Variants in ZFYVE9 observed in about 807,000 individuals in gnomAD.
ZFYVE9 encodes the protein zinc finger FYVE domain-containing protein 9.
Under a neutral mutation model 126.7 loss-of-function variants are expected in ZFYVE9, and 43 were observed. The observed-to-expected ratio is 0.34, with a 90% CI of 0.27 to 0.44. ZFYVE9 has a LOEUF of 0.44. ZFYVE9 is among the 20% of genes least tolerant of loss of function. The pLI, the probability that ZFYVE9 is intolerant of heterozygous loss-of-function variation, is 1.00. For missense variants in ZFYVE9, 1,476 were observed against 1,697.0 expected (o/e 0.87, Z 2.29); for synonymous variants, 521 against 597.4 (o/e 0.87, Z 1.87).
chr1:52,339,351 G>A (rs1646415282), intron 16 of ZFYVE9, among the ~76,000 whole-genome samples: 1 of 151,592 alleles, frequency 6.6e-6, no homozygotes, highest in Non-Finnish European at 1.5e-5. Context: ...ACAGTGGTGC[G>A]ATCGCAGCTC....
chr1:52,252,812 C>A (rs1645464656), intron 4 of ZFYVE9: 2 of 355,640 alleles, frequency 5.6e-6, no homozygotes, highest in Middle Eastern at 7.4e-4. Flanking sequence ...ATGGCTCATC[C>A]CAGCCCAGAG....
chr1:52,226,185 T>G (rs1414314780), intron 2 of ZFYVE9, among the ~76,000 whole-genome samples: 1 of 152,110 alleles, frequency 6.6e-6, no homozygotes, highest in Admixed American at 6.5e-5. Context: ...CTCCTTACTG[T>G]ACATGTGGCT....
intron 4 of ZFYVE9, among the ~76,000 whole-genome samples, chr1:52,245,238 TTTTTACTAAAGAGAAG>T (rs1645372980): frequency 6.6e-6 from 1 of 152,010 alleles, no homozygotes; most frequent in African/African-American, 2.4e-5. Flanking sequence ...GGTATTCTGT[TTTTTACTAAAGAGAAG>T]CAAAAAGAAA....
chr1:52,281,495 A>G (rs1411108746), intron 9 of ZFYVE9, among the ~76,000 whole-genome samples, 166 bp from the exon 10 acceptor site: 2 of 152,154 alleles, frequency 1.3e-5, no homozygotes, highest in Admixed American at 6.6e-5. Flanking sequence ...ATTTTCTACA[A>G]TAGGTTTTTG....
chr1:52,209,682 T>C (rs1226022127), intron 1 of ZFYVE9, among the ~76,000 whole-genome samples: 1 of 152,144 alleles, frequency 6.6e-6, no homozygotes, highest in African/African-American at 2.4e-5. Context: ...AAGGTGTGTT[T>C]TGGAAAATAG....
At chr1:52,225,505 G>T (rs926126590) in intron 2 of ZFYVE9, among the ~76,000 whole-genome samples, 2 of 152,212 alleles carry the variant, frequency 1.3e-5, no homozygotes, top group African/African-American at 4.8e-5. Flanking sequence ...GAAGGAAGGG[G>T]TTTTTAACCC....
intron 1 of ZFYVE9, among the ~76,000 whole-genome samples, chr1:52,203,203 A>T (rs559222105): frequency 2.0e-5 from 3 of 151,096 alleles, no homozygotes; most frequent in Non-Finnish European, 4.4e-5. Context: ...TTTTTTTAAG[A>T]CAGTGTCTCA....
chr1:52,179,807 T>G, intron 1 of ZFYVE9: 1 of 574,276 alleles, frequency 1.7e-6, no homozygotes, highest in Non-Finnish European at 3.2e-6. Flanking sequence ...TTAAAGTGTC[T>G]ATTAGGGGGC....
At chr1:52,307,543 G>A (rs1398482824) in intron 13 of ZFYVE9, among the ~76,000 whole-genome samples, 3 of 151,842 alleles carry the variant, frequency 2.0e-5, no homozygotes, top group Non-Finnish European at 4.4e-5. Flanking sequence ...AGCCCCCATA[G>A]TTACTTCAGT....
At position 52,192,338 on chromosome 1, in the gene ZFYVE9, TCTG is replaced by T. The variant is rs538586810; in HGVS notation, c.-142-24026_-142-24024del. 2.7e-3 allele frequency among the ~76,000 whole-genome samples: 408 copies of T among 152,346 alleles called. 5 individuals carry two copies. Among genetic ancestry groups the T allele is most frequent in the Non-Finnish European group, 3.9e-3 (267 of 68,030 alleles). On this transcript the variant is annotated intron_variant, in intron 1 of 18. Coordinates refer to ENST00000287727, the MANE Select transcript of ZFYVE9 (RefSeq NM_004799.4). ...GAAGTGTGTAACCTAGTAAGGAGAT[TCTG>T]CTGCATTCAAACATGCTTGTTCATC...
Position 52,265,570 on chromosome 1 carries a change from A to T in ZFYVE9, c.2279-1085A>T, listed in dbSNP as rs981111694. Among the ~76,000 whole-genome samples the T allele has an allele frequency of 9.9e-5, 15 of 152,202 alleles. 1 individual carries two copies. The highest frequency in any genetic ancestry group is 3.6e-4 in the African/African-American group (15 of 41,442). ...TGATGTGTCAGTATTTAGTGAAATTATAGGGTACACAGAATCTTAATGTAT... is the reference window on the plus strand; with the variant it reads ...TGATGTGTCAGTATTTAGTGAAATTTTAGGGTACACAGAATCTTAATGTAT... On this transcript the variant is annotated intron_variant, in intron 5 of 18. Transcript: ENST00000287727.
intron 16 of ZFYVE9, among the ~76,000 whole-genome samples, chr1:52,339,274 A>G (rs892282715): frequency 6.6e-6 from 1 of 152,018 alleles, no homozygotes; most frequent in Non-Finnish European, 1.5e-5. Context: ...ATAATTAGCA[A>G]CTTGGTCAAA....
intron 1 of ZFYVE9, among the ~76,000 whole-genome samples, chr1:52,155,649 C>T (rs1644396872): frequency 2.0e-5 from 3 of 152,182 alleles, no homozygotes. Context: ...TTGGTACCTC[C>T]AACAGCATAG....
At chr1:52,150,713 A>G (rs1644348649) in intron 1 of ZFYVE9, among the ~76,000 whole-genome samples, 1 of 151,598 alleles carries the variant, frequency 6.6e-6, no homozygotes, top group South Asian at 2.1e-4. Context: ...GGGGAGGTGC[A>G]GTGAGCCGAG....
chr1:52,271,744 A>T (rs1645694765), intron 7 of ZFYVE9, among the ~76,000 whole-genome samples: 1 of 152,244 alleles, frequency 6.6e-6, no homozygotes, highest in South Asian at 2.1e-4. Context: ...CCATACCGGA[A>T]AATTTTAGAA....
chr1:52,335,549 C>A (rs1646380568), intron 15 of ZFYVE9, among the ~76,000 whole-genome samples: 1 of 152,146 alleles, frequency 6.6e-6, no homozygotes, highest in South Asian at 2.1e-4. Flanking sequence ...GATAGCTGGA[C>A]TTTTTACATG....
intron 5 of ZFYVE9, 145 bp downstream of exon 5, chr1:52,264,017 T>G: frequency 4.6e-6 from 2 of 437,696 alleles, no homozygotes. Context: ...TTAGCTAAAT[T>G]TCCATGTTTT....
chr1:52,332,620 T>C (rs1220068215), intron 13 of ZFYVE9, 148 bp from the exon 14 acceptor site: 1 of 937,198 alleles, frequency 1.1e-6, no homozygotes, highest in African/African-American at 1.7e-5. Flanking sequence ...GGTGACATTT[T>C]TTTACTTTGT....
At chr1:52,198,124 G>GTTT (rs34521113) in intron 1 of ZFYVE9, among the ~76,000 whole-genome samples, 1 of 128,162 alleles carries the variant, frequency 7.8e-6, no homozygotes, top group Non-Finnish European at 1.6e-5. Context: ...TTTTTTGTTT[G>GTTT]TTTTTTTTTT....
Sources: gnomAD v4.1 joint callset for allele counts (sites outside exome capture counted in the v4.1 genomes callset) on GRCh38, gnomAD v4.1.1 for gene constraint, MANE v1.5 for transcripts, NCBI Gene and HGNC (gene_info 2026-07-23, HGNC 2026-07-21) for gene names.